The following KANK1 variants were observed in gnomAD, a reference collection of about 807,000 sequenced individuals.
KANK1 encodes the protein KN motif and ankyrin repeat domain-containing protein 1.
In KANK1, 109 loss-of-function variants were observed where a neutral mutation model predicts 106.2. That is an observed-to-expected ratio of 1.03 (90% CI 0.88 to 1.20). The LOEUF (loss-of-function observed/expected upper bound fraction) is 1.20. Ranked by LOEUF, KANK1 falls within the 50% of genes most tolerant of loss-of-function variation. The pLI is 0.00. For missense variants in KANK1, 2,399 were observed against 1,710.7 expected (o/e 1.40, Z -7.10); for synonymous variants, 873 against 652.2 (o/e 1.34, Z -5.16).
At chr9:632,503 G>C (rs932725857) in intron 1 of KANK1, among the ~76,000 whole-genome samples, 39 of 152,108 alleles carry the variant, frequency 2.6e-4, no homozygotes, top group Admixed American at 2.6e-3. Context: ...GGTGAAGATG[G>C]AGGTTTTATG....
At chr9:715,530 G>C (rs1589142346) in intron 3 of KANK1, among the ~76,000 whole-genome samples, 1 of 152,158 alleles carries the variant, frequency 6.6e-6, no homozygotes, top group Non-Finnish European at 1.5e-5. Context: ...GAGCAAGTTC[G>C]GTCTGGCTGT....
At chr9:640,568 T>G (rs1460808618) in intron 1 of KANK1, among the ~76,000 whole-genome samples, 1 of 152,056 alleles carries the variant, frequency 6.6e-6, no homozygotes, top group Non-Finnish European at 1.5e-5. Context: ...CAGCTAATTT[T>G]TGTATTTTTG....
At chr9:676,628 C>G (rs1168138099) in intron 1 of KANK1, among the ~76,000 whole-genome samples, 1 of 152,134 alleles carries the variant, frequency 6.6e-6, no homozygotes, top group Non-Finnish European at 1.5e-5. Context: ...CTAAAATAGT[C>G]TCATTTCTAG....
chr9:664,538 C>A (rs146723898), intron 1 of KANK1, among the ~76,000 whole-genome samples: 2 of 152,222 alleles, frequency 1.3e-5, no homozygotes, highest in East Asian at 3.9e-4. Flanking sequence ...CTCAAGCGAT[C>A]CACCTGCCTT....
At chr9:653,184 C>T (rs79490619) in intron 1 of KANK1, among the ~76,000 whole-genome samples, 1 of 152,058 alleles carries the variant, frequency 6.6e-6, no homozygotes, top group Non-Finnish European at 1.5e-5. Context: ...CTGGAAGTGT[C>T]ATTAGGGCTG....
intron 1 of KANK1, among the ~76,000 whole-genome samples, chr9:583,061 G>C (rs564585545): frequency 2.8e-4 from 42 of 152,260 alleles, no homozygotes; most frequent in Non-Finnish European, 5.0e-4. Context: ...ATTTACTAGA[G>C]AAACTTAAAA....
chr9:631,512 G>A (rs1428914761), intron 1 of KANK1, among the ~76,000 whole-genome samples: 2 of 148,900 alleles, frequency 1.3e-5, no homozygotes, highest in East Asian at 4.0e-4. Context: ...CACTATACCT[G>A]TGCACTGAAA....
chr9:522,836 C>G (rs932512011), intron 1 of KANK1, among the ~76,000 whole-genome samples: 1 of 151,676 alleles, frequency 6.6e-6, no homozygotes, highest in South Asian at 2.1e-4. Flanking sequence ...CACTTCATTA[C>G]TCCTCCCTTG....
chr9:738,501 G>GT lies in KANK1; in HGVS notation c.3550_3551insT (p.Ala1184ValfsTer5). On this transcript the variant is annotated frameshift_variant, in exon 8 of 12. Coordinates refer to ENST00000382297, the MANE Select transcript of KANK1 (RefSeq NM_015158.5). LOFTEE classifies it high-confidence loss of function. ...CGAGATTGTGAAGCTGCTGTTAGAT[G>GT]CCGGTATGTTGGCTGCCCTTCCACC... 6.2e-7 allele frequency: 1 copy of GT among 1,612,926 alleles called. No homozygotes were observed. The highest frequency in any genetic ancestry group is 8.5e-7 in the Non-Finnish European group (1 of 1,178,890).
rs1036008450 is a variant in KANK1 at position 732,764 on chromosome 9, C to T, written c.3245+147C>T. 2.6e-5 allele frequency: 22 copies of T among 844,072 alleles called. No homozygotes were observed. In the African/African-American group the frequency reaches 3.6e-4, roughly 14 times the overall value. The allele number at this position is 844,072 out of a possible 1,614,324, so 52.3% of individuals were successfully genotyped here. ...ACACATCTTGAGATACTAATATATA[C>T]AAGTGCAGAGTATTACAACTCTTAG... is the stretch of plus-strand genomic sequence containing the variant. On this transcript the variant is annotated intron_variant, in intron 6 of 11. Transcript: ENST00000382297.
intron 9 of KANK1, among the ~76,000 whole-genome samples, chr9:741,175 G>T (rs914447912): frequency 3.3e-5 from 5 of 152,154 alleles, no homozygotes; most frequent in Admixed American, 2.6e-4. Context: ...TTGTCCATTT[G>T]CATAGTTTGC....
intron 1 of KANK1, among the ~76,000 whole-genome samples, chr9:635,778 A>C (rs1337643048): frequency 7.8e-6 from 1 of 128,802 alleles, no homozygotes; most frequent in African/African-American, 3.5e-5. Flanking sequence ...AGCTCACTGC[A>C]ACCTCTGCTT....
In KANK1 at chr9:649,105, A is replaced by G. The variant is rs956644143; in HGVS notation, c.-83-27785A>G. On this transcript the variant is annotated intron_variant, in intron 1 of 11. Transcript: ENST00000382297. ...GTTTTTACTGTATCTCGTGAATAAGATAATATATTAAGTCTCCTGGCATAT... is the reference window on the plus strand; with the variant it reads ...GTTTTTACTGTATCTCGTGAATAAGGTAATATATTAAGTCTCCTGGCATAT... Among the ~76,000 whole-genome samples the G allele has an allele frequency of 7.2e-4, 110 of 152,260 alleles. 1 individual carries two copies. The highest frequency in any genetic ancestry group is 2.6e-3 in the African/African-American group (106 of 41,534).
rs539338166 is a variant in KANK1, at chr9:597,662, A to T, written c.-83-79228A>T. ...CATTTTTAAGGTTTTCTTTTTTTTTAATTTTTATTTATTTTTTTTTAGACA... is the reference window on the plus strand; with the variant it reads ...CATTTTTAAGGTTTTCTTTTTTTTTTATTTTTATTTATTTTTTTTTAGACA... On this transcript the variant is annotated intron_variant, in intron 1 of 11. Transcript: ENST00000382297. Among the ~76,000 whole-genome samples the T allele has an allele frequency of 2.7e-3, 404 of 150,254 alleles. 14 individuals carry two copies. Among genetic ancestry groups the T allele is most frequent in the African/African-American group, 9.7e-3 (393 of 40,664 alleles).
At chr9:638,625 T>C (rs79328139) in intron 1 of KANK1, among the ~76,000 whole-genome samples, 1 of 152,244 alleles carries the variant, frequency 6.6e-6, no homozygotes, top group Non-Finnish European at 1.5e-5. Flanking sequence ...GTTGGTTCTT[T>C]ACCTCCAGGT....
intron 2 of KANK1, among the ~76,000 whole-genome samples, chr9:685,278 A>T (rs778630223): frequency 6.6e-6 from 1 of 152,210 alleles, no homozygotes; most frequent in Admixed American, 6.5e-5. Context: ...TTATCTCACC[A>T]CTTAAAAATA....
At chr9:611,468 C>T (rs1184116004) in intron 1 of KANK1, among the ~76,000 whole-genome samples, 2 of 152,164 alleles carry the variant, frequency 1.3e-5, no homozygotes, top group African/African-American at 2.4e-5. Context: ...GTCTCTCATG[C>T]TTTTCAGATG....
At position 524,239 on chromosome 9, in the gene KANK1, A is replaced by G. The variant is rs139402917; in HGVS notation, c.-84+19485A>G. Among the ~76,000 whole-genome samples, 455 of 151,488 alleles carry G rather than the reference A, an allele frequency of 3.0e-3. 14 individuals are homozygous for G. The highest frequency in any genetic ancestry group is 0.011 in the African/African-American group (442 of 41,018). On this transcript the variant is annotated intron_variant, in intron 1 of 11. Coordinates refer to ENST00000382297, the MANE Select transcript of KANK1 (RefSeq NM_015158.5). ...TTCAACTTGCTGGTGAAGTAATACAACCCTTCCCTTCCTTTCCCTTTTCCC... is the reference window on the plus strand; with the variant it reads ...TTCAACTTGCTGGTGAAGTAATACAGCCCTTCCCTTCCTTTCCCTTTTCCC...
intron 1 of KANK1, among the ~76,000 whole-genome samples, chr9:659,162 G>A (rs1842778001): frequency 6.6e-6 from 1 of 152,166 alleles, no homozygotes; most frequent in African/African-American, 2.4e-5. Flanking sequence ...TACATGCTGA[G>A]TTCTCAGTCA....
Sources: gnomAD v4.1 joint callset for allele counts (sites outside exome capture counted in the v4.1 genomes callset) on GRCh38, gnomAD v4.1.1 for gene constraint, MANE v1.5 for transcripts, NCBI Gene and HGNC (gene_info 2026-07-23, HGNC 2026-07-21) for gene names.